The following BACE1 variants were observed in gnomAD, a reference collection of about 807,000 sequenced individuals.
The protein encoded by BACE1 is APP beta-secretase.
In BACE1, 21 loss-of-function variants were observed where a neutral mutation model predicts 54.0. That is an observed-to-expected ratio of 0.39 (90% CI 0.28 to 0.56). The LOEUF (loss-of-function observed/expected upper bound fraction) is 0.56, where lower values mean the gene tolerates loss of function less well. Among genes scored for constraint, BACE1 ranks in the 20% least tolerant of loss-of-function variants. The probability of loss-of-function intolerance (pLI) is 0.63; values close to 1 mark genes in which losing one functional copy is unlikely to be tolerated. For synonymous variants in BACE1, 232 were observed against 260.9 expected (o/e 0.89, Z 1.07); for missense variants, 511 against 661.2 (o/e 0.77, Z 2.49).
chr11:117,315,970 G>T lies in BACE1; in HGVS notation c.-175C>A. 3.4e-6 allele frequency: 2 copies of T among 587,084 alleles called. No homozygotes were observed. Among genetic ancestry groups the T allele is most frequent in the Non-Finnish European group, 2.6e-6 (1 of 380,746 alleles). 36.4% of individuals were successfully genotyped at this position (587,084 alleles called of 1,614,324 possible). On this transcript the variant is annotated 5_prime_UTR_variant, in exon 1 of 9. Transcript: ENST00000313005. This position sits in a 1 kb window ranked among gnomAD's most constrained non-coding sequence, Gnocchi z 5.5. ...CCCCCGGGTCCGGGCTGTGGAGAGC[G>T]GTCAGGGGAGATCCGCAGAGCACGG... is the stretch of plus-strand genomic sequence containing the variant.
intron 1 of BACE1, among the ~76,000 whole-genome samples, chr11:117,309,847 CTTA>C (rs1039413431): frequency 1.6e-4 from 25 of 152,254 alleles, no homozygotes; most frequent in African/African-American, 6.0e-4. Context: ...TAACAGTTAC[CTTA>C]TTATCCTATG....
chr11:117,286,201 G>T lies in BACE1; in HGVS notation c.*3365C>A, dbSNP rs1424133477. The T allele has an allele frequency of 6.6e-6, 1 of 152,532 alleles. No homozygotes were observed. Among genetic ancestry groups the T allele is most frequent in the East Asian group, 1.9e-4 (1 of 5,198 alleles). 9.4% of individuals were successfully genotyped at this position (152,532 alleles called of 1,614,324 possible). A position where few individuals can be genotyped will look rare whatever the true frequency, so the allele number is the denominator to read the frequency against. ...GGGGGGGACATATTTCCTGTCCTGG[G>T]AAAAATGGAGACCAAAGTGATATTA... On this transcript the variant is annotated 3_prime_UTR_variant, in exon 9 of 9. Coordinates refer to ENST00000313005, the MANE Select transcript of BACE1 (RefSeq NM_012104.6).
rs28989508 is a variant in BACE1 at position 117,288,059 on chromosome 11, C to T, written c.*1507G>A. On this transcript the variant is annotated 3_prime_UTR_variant, in exon 9 of 9. Coordinates refer to ENST00000313005, the MANE Select transcript of BACE1 (RefSeq NM_012104.6). Reference sequence around the variant, plus strand: ...CTAGAACTGATAGGGAGGTAATGAACTTGGTCCCCACTACCTAGCCCAAGA... The same window carrying T: ...CTAGAACTGATAGGGAGGTAATGAATTTGGTCCCCACTACCTAGCCCAAGA... 1 of 152,784 alleles carries T rather than the reference C, an allele frequency of 6.5e-6. No homozygotes were observed. The highest frequency in any genetic ancestry group is 6.5e-5 in the Admixed American group (1 of 15,302). 9.5% of individuals were successfully genotyped at this position (152,784 alleles called of 1,614,324 possible).
rs769120304 is a variant in BACE1 at position 117,315,694 on chromosome 11, C to T, written c.102G>A (p.Leu34=). Residue 34 remains leucine, a synonymous_variant, in exon 1 of 9, where the codon CTG becomes CTA. Transcript: ENST00000313005. The surrounding 1 kb of genome is among the most constrained non-coding windows in gnomAD (Gnocchi z 5.5). ...GCCGCAGCCCCAGGGGGGCGCCCCC[C>T]AGGCCGCTGCGCAGGGGCAGCCGGA... ...HGIRLPLRSG[L]GGAPLGLRLP... 1 of 1,513,192 alleles carries T rather than the reference C, an allele frequency of 6.6e-7. No homozygotes were observed. The highest frequency in any genetic ancestry group is 1.2e-5 in the South Asian group (1 of 80,418). 93.7% of individuals were successfully genotyped at this position (1,513,192 alleles called of 1,614,324 possible).
At chr11:117,301,736 G>C (rs745475108) in intron 1 of BACE1, among the ~76,000 whole-genome samples, 1 of 152,186 alleles carries the variant, frequency 6.6e-6, no homozygotes, top group Non-Finnish European at 1.5e-5. Flanking sequence ...CTGTAGGTCA[G>C]CAGTATCAGA....
chr11:117,305,652 T>C (rs186143624), intron 1 of BACE1, among the ~76,000 whole-genome samples: 1 of 152,018 alleles, frequency 6.6e-6, no homozygotes, highest in Non-Finnish European at 1.5e-5. Context: ...GCTCAACTAA[T>C]ATTTGCCAGT....
rs778032357 is a variant in BACE1, at chr11:117,296,967, A to T, written c.262-6T>A. 6.2e-7 allele frequency: 1 copy of T among 1,612,116 alleles called. No homozygotes were observed. Among genetic ancestry groups the T allele is most frequent in the Non-Finnish European group, 8.5e-7 (1 of 1,178,418 alleles). On this transcript the variant is annotated splice_region_variant and splice_polypyrimidine_tract_variant and intron_variant, in intron 1 of 8. Coordinates refer to ENST00000313005, the MANE Select transcript of BACE1 (RefSeq NM_012104.6). ...GTATCCACCAGGATGTTGAGCTGTC[A>T]GAGAAAGGGGAGAGAAAAGACAGTA...
chr11:117,307,614 T>A (rs1232909136), intron 1 of BACE1, among the ~76,000 whole-genome samples: 1 of 152,130 alleles, frequency 6.6e-6, no homozygotes, highest in Non-Finnish European at 1.5e-5. Context: ...GCCTGGCCTC[T>A]TTCTGGATTT....
intron 2 of BACE1, 99 bp from the exon 3 acceptor site, chr11:117,295,446 G>A: frequency 6.5e-7 from 1 of 1,543,144 alleles, no homozygotes; most frequent in Non-Finnish European, 8.7e-7. Flanking sequence ...TCATCTCAGG[G>A]GAATCCTAGA....
At chr11:117,302,492 C>T (rs184674365) in intron 1 of BACE1, among the ~76,000 whole-genome samples, 6 of 152,352 alleles carry the variant, frequency 3.9e-5, no homozygotes, top group Admixed American at 2.6e-4. Flanking sequence ...CCATCCTCCT[C>T]TCCACTTGCA....
At position 117,315,918 on chromosome 11, in the gene BACE1, G is replaced by A; in HGVS notation, c.-123C>T. ...AGAGGGAGCTTGGGGGCATCAGGAC[G>A]CCAGGGCCTGCAGGGCCCTGGGCCA... On this transcript the variant is annotated 5_prime_UTR_variant, in exon 1 of 9. Coordinates refer to ENST00000313005, the MANE Select transcript of BACE1 (RefSeq NM_012104.6). This position sits in a 1 kb window ranked among gnomAD's most constrained non-coding sequence, Gnocchi z 5.5. The A allele has an allele frequency of 8.6e-7, 1 of 1,159,380 alleles. No individual in the cohort carries two copies. 71.8% of individuals were successfully genotyped at this position (1,159,380 alleles called of 1,614,324 possible). A position where few individuals can be genotyped will look rare whatever the true frequency, so the allele number is the denominator to read the frequency against.
chr11:117,302,817 G>A lies in BACE1; in HGVS notation c.262-5856C>T, dbSNP rs28989484. Among the ~76,000 whole-genome samples, 999 of 152,288 alleles carry A rather than the reference G, an allele frequency of 6.6e-3. 29 individuals carry two copies. In the East Asian group the frequency reaches 0.067, roughly 10 times the overall value. On this transcript the variant is annotated intron_variant, in intron 1 of 8. Transcript: ENST00000313005. ...CGAGAATCACTTGAACCCAGAAGGC[G>A]GAGGTTGCAGTGAGCTGAGATCGTG... is the stretch of plus-strand genomic sequence containing the variant.
chr11:117,295,785 A>G, intron 2 of BACE1: 2 of 1,234,968 alleles, frequency 1.6e-6, no homozygotes, highest in Non-Finnish European at 2.2e-6. Flanking sequence ...AGTGCCAGGC[A>G]GGGTGAATGT....
chr11:117,313,939 C>T (rs990018332), intron 1 of BACE1, among the ~76,000 whole-genome samples: 2 of 152,188 alleles, frequency 1.3e-5, no homozygotes, highest in African/African-American at 4.8e-5. Context: ...AAGGAGGTCT[C>T]ATTTCCTACT....
intron 3 of BACE1, 83 bp downstream of exon 3, chr11:117,295,048 T>C: frequency 7.4e-7 from 1 of 1,357,748 alleles, no homozygotes; most frequent in East Asian, 2.3e-5. Flanking sequence ...CTCCTTCTGC[T>C]AATTCCCCTT....
In BACE1 at chr11:117,311,510, G is replaced by A. The variant is rs542106401; in HGVS notation, c.261+4025C>T. Among the ~76,000 whole-genome samples the A allele has an allele frequency of 4.6e-5, 7 of 152,096 alleles. No homozygotes were observed. The South Asian group carries it at 8.3e-4, about 18-fold the overall frequency. On this transcript the variant is annotated intron_variant, in intron 1 of 8. Transcript: ENST00000313005. Reference sequence around the variant, plus strand: ...AAATCCTTCCCACCTGCCCTGGCACGTTCTCTGCATCCTGCCCTTCCTTTC... The same window carrying A: ...AAATCCTTCCCACCTGCCCTGGCACATTCTCTGCATCCTGCCCTTCCTTTC...
At chr11:117,301,159 G>T (rs2034716875) in intron 1 of BACE1, among the ~76,000 whole-genome samples, 2 of 152,120 alleles carry the variant, frequency 1.3e-5, no homozygotes, top group South Asian at 4.1e-4. Flanking sequence ...CTTTCTCAAG[G>T]CTTGAGCTTT....
At chr11:117,310,309 T>C (rs1168188565) in intron 1 of BACE1, among the ~76,000 whole-genome samples, 1 of 152,236 alleles carries the variant, frequency 6.6e-6, no homozygotes, top group Non-Finnish European at 1.5e-5. Flanking sequence ...AGCTTATGTA[T>C]TCATTCACTC....
Position 117,290,885 on chromosome 11 carries a change from C to T in BACE1, c.1092+15G>A, listed in dbSNP as rs758012470. The T allele has an allele frequency of 3.1e-6, 5 of 1,612,204 alleles. No individual in the cohort carries two copies. The highest frequency in any genetic ancestry group is 1.1e-5 in the South Asian group (1 of 90,780). On this transcript the variant is annotated intron_variant, in intron 7 of 8. Transcript: ENST00000313005. The stretch of plus-strand genomic sequence containing the variant: ...ACTTTTAAGAGAGATCCCCCTGACT[C>T]AGGCTGGGACATACCTGCGGAAGGA...
Sources: allele counts gnomAD v4.1 joint callset (sites outside exome capture counted in the v4.1 genomes callset), GRCh38; gene constraint gnomAD v4.1.1; non-coding constraint Gnocchi (gnomAD v3.1); transcripts MANE v1.5; gene names NCBI Gene and HGNC (gene_info 2026-07-23, HGNC 2026-07-21).